NRF1: variants seen among roughly 807,000 people sequenced by gnomAD.
NRF1 encodes the protein nuclear respiratory factor 1.
In NRF1, 5 loss-of-function variants were observed where a neutral mutation model predicts 58.5. The ratio of observed to expected loss-of-function variants is 0.09; its 90% confidence interval spans 0.04 to 0.18. The LOEUF (loss-of-function observed/expected upper bound fraction) is 0.18, where lower values mean the gene tolerates loss of function less well. NRF1 is among the 10% of genes least tolerant of loss of function. NRF1 has a pLI of 1.00. For synonymous variants in NRF1, 224 were observed against 246.7 expected (o/e 0.91, Z 0.86); for missense variants, 288 against 657.7 (o/e 0.44, Z 6.15).
chr7:129,674,502 A>C (rs1167620354), intron 3 of NRF1, among the ~76,000 whole-genome samples: 1 of 152,076 alleles, frequency 6.6e-6, no homozygotes, highest in Non-Finnish European at 1.5e-5. Context: ...TGGTGTGATC[A>C]TGGCTCACTG....
intron 2 of NRF1, among the ~76,000 whole-genome samples, chr7:129,669,665 C>T (rs1411365256): frequency 6.6e-6 from 1 of 152,152 alleles, no homozygotes; most frequent in East Asian, 1.9e-4. Flanking sequence ...AGGTTAGATG[C>T]TCAACTATTA....
chr7:129,685,639 C>T (rs928200698), intron 4 of NRF1, among the ~76,000 whole-genome samples: 1 of 150,200 alleles, frequency 6.7e-6, no homozygotes, highest in Admixed American at 6.7e-5. Context: ...TCCCTATGCT[C>T]AGCAATGTCA....
At chr7:129,644,270 T>G (rs1801357525) in intron 1 of NRF1, among the ~76,000 whole-genome samples, 1 of 152,206 alleles carries the variant, frequency 6.6e-6, no homozygotes, top group Non-Finnish European at 1.5e-5. Flanking sequence ...CATAGGAAAT[T>G]AGGTAGGTAG....
In NRF1 at chr7:129,741,739, A is replaced by G. The variant is rs889996228; in HGVS notation, c.1349-13279A>G. ...TTTGAAGGAATGCCAGTGCACTGTTATTAACTCTAATAGCTTGTCCCTCGC... is the reference window on the plus strand; with the variant it reads ...TTTGAAGGAATGCCAGTGCACTGTTGTTAACTCTAATAGCTTGTCCCTCGC... On this transcript the variant is annotated intron_variant, in intron 10 of 10. Coordinates refer to ENST00000393232, the MANE Select transcript of NRF1 (RefSeq NM_005011.5). The surrounding 1 kb of genome is among the most constrained non-coding windows in gnomAD (Gnocchi z 4.0). Among the ~76,000 whole-genome samples the G allele has an allele frequency of 6.6e-6, 1 of 152,134 alleles. No homozygotes were observed. Among genetic ancestry groups the G allele is most frequent in the Non-Finnish European group, 1.5e-5 (1 of 68,030 alleles).
At chr7:129,688,917 C>T (rs531979797) in intron 4 of NRF1, among the ~76,000 whole-genome samples, 1 of 97,730 alleles carries the variant, frequency 1.0e-5, no homozygotes, top group Admixed American at 1.2e-4. Context: ...TATCACTAGG[C>T]TTATAAGATT....
chr7:129,749,126 T>C (rs540006317), intron 10 of NRF1, among the ~76,000 whole-genome samples: 1 of 152,274 alleles, frequency 6.6e-6, no homozygotes, highest in Admixed American at 6.5e-5. Context: ...CCATGTAATG[T>C]GATCTGAGAG....
rs972046699 is a variant in NRF1 at position 129,613,816 on chromosome 7, G to A, written c.-7+1992G>A. ...GGGAGGGGCGGGGGCGGGGGCTGCC[G>A]AGGCAAGAGAATCGCTTGAACCTGG... On this transcript the variant is annotated intron_variant, in intron 1 of 10. Coordinates refer to ENST00000393232, the MANE Select transcript of NRF1 (RefSeq NM_005011.5). 3.9e-5 allele frequency among the ~76,000 whole-genome samples: 6 copies of A among 152,080 alleles called. No homozygotes were observed. In the East Asian group the frequency reaches 7.8e-4, roughly 20 times the overall value.
Position 129,741,483 on chromosome 7 carries a change from A to AT in NRF1, c.1349-13526dup, listed in dbSNP as rs1024224464. 9.2e-5 allele frequency among the ~76,000 whole-genome samples: 14 copies of AT among 151,512 alleles called. No individual in the cohort carries two copies. Among genetic ancestry groups the AT allele is most frequent in the South Asian group, 2.1e-4 (1 of 4,780 alleles). ...ATTGTGAGCGCTATTCTGTAAAGGGATTTTTTTTTCTGGCATACCAAATCC... is the reference window on the plus strand; with the variant it reads ...ATTGTGAGCGCTATTCTGTAAAGGGATTTTTTTTTTCTGGCATACCAAATCC... On this transcript the variant is annotated intron_variant, in intron 10 of 10. Transcript: ENST00000393232. This position sits in a 1 kb window ranked among gnomAD's most constrained non-coding sequence, Gnocchi z 4.0.
At chr7:129,679,551 C>T (rs1802258160) in intron 4 of NRF1, among the ~76,000 whole-genome samples, 1 of 151,964 alleles carries the variant, frequency 6.6e-6, no homozygotes, top group Non-Finnish European at 1.5e-5. Context: ...GAAACCCCAT[C>T]TCTACTAAAA....
rs1803854255 is a variant in NRF1 at position 129,741,880 on chromosome 7, ACAG to A, written c.1349-13127_1349-13125del. Among the ~76,000 whole-genome samples the A allele has an allele frequency of 1.3e-5, 2 of 152,214 alleles. No homozygotes were observed. Among genetic ancestry groups the A allele is most frequent in the South Asian group, 4.1e-4 (2 of 4,826 alleles). Reference sequence around the variant, plus strand: ...ATAAAGAGCAAATGTGCAGAACCCAACAGCAGCAGCAGCCTGGCAGAAGCAGTA... The same window carrying A: ...ATAAAGAGCAAATGTGCAGAACCCAACAGCAGCAGCCTGGCAGAAGCAGTA... On this transcript the variant is annotated intron_variant, in intron 10 of 10. Transcript: ENST00000393232. The surrounding 1 kb of genome is among the most constrained non-coding windows in gnomAD (Gnocchi z 4.0).
intron 1 of NRF1, among the ~76,000 whole-genome samples, chr7:129,626,154 C>G (rs1800914667): frequency 6.6e-6 from 1 of 152,142 alleles, no homozygotes. Flanking sequence ...GACAATAATG[C>G]CTTTATTATT....
chr7:129,692,599 T>C (rs1021756911), intron 5 of NRF1, among the ~76,000 whole-genome samples: 5 of 152,302 alleles, frequency 3.3e-5, no homozygotes, highest in Admixed American at 2.0e-4. Flanking sequence ...AATTTATTTA[T>C]TTATTTAATT....
chr7:129,710,243 A>C, intron 6 of NRF1, 131 bp from the exon 7 acceptor site: 3 of 723,524 alleles, frequency 4.1e-6, no homozygotes, highest in Non-Finnish European at 7.1e-6. Context: ...GTGGGAGGTA[A>C]TCCTAGGAGA....
rs1322536841 is a variant in NRF1 at position 129,755,601 on chromosome 7, A to G, written c.*420A>G. ...GCATGGAATTATCTGTATGAAATCA[A>G]GGTGCGCTGTGGAAACAATAATTCA... is the stretch of plus-strand genomic sequence containing the variant. On this transcript the variant is annotated 3_prime_UTR_variant, in exon 11 of 11. Transcript: ENST00000393232. This position sits in a 1 kb window ranked among gnomAD's most constrained non-coding sequence, Gnocchi z 5.8. 1 of 152,226 alleles carries G rather than the reference A, an allele frequency of 6.6e-6. No homozygotes were observed. Among genetic ancestry groups the G allele is most frequent in the East Asian group, 1.9e-4 (1 of 5,198 alleles). 9.4% of individuals were successfully genotyped at this position (152,226 alleles called of 1,614,324 possible). A position where few individuals can be genotyped will look rare whatever the true frequency, so the allele number is the denominator to read the frequency against.
At position 129,711,452 on chromosome 7, in the gene NRF1, C is replaced by T. The variant is rs749417392; in HGVS notation, c.964-23C>T. On this transcript the variant is annotated intron_variant, in intron 7 of 10. Coordinates refer to ENST00000393232, the MANE Select transcript of NRF1 (RefSeq NM_005011.5). ...GAAGGATCCATCCACTGACACTTAA[C>T]CACTTTCCATATTTTTCTTTAGGTT... The T allele has an allele frequency of 3.5e-5, 55 of 1,584,192 alleles. 2 individuals carry two copies. In the South Asian group the frequency reaches 6.1e-4, roughly 18 times the overall value.
rs970816008 is a variant in NRF1, at chr7:129,716,609, G to A, written c.1066-610G>A. Among the ~76,000 whole-genome samples, 13 of 152,132 alleles carry A rather than the reference G, an allele frequency of 8.5e-5. 1 individual carries two copies. ...GAGTGGGCCGGGCGTGGTGACTCAT[G>A]CCTGTAATCCCAGCACTTTGGGAGA... On this transcript the variant is annotated intron_variant, in intron 8 of 10. Transcript: ENST00000393232.
intron 1 of NRF1, among the ~76,000 whole-genome samples, chr7:129,639,339 T>C (rs1801238585): frequency 6.6e-6 from 1 of 152,182 alleles, no homozygotes. Flanking sequence ...CATATATACT[T>C]GATTTCCAGT....
intron 10 of NRF1, among the ~76,000 whole-genome samples, chr7:129,754,409 G>A (rs1584699289): frequency 1.5e-5 from 2 of 135,288 alleles, no homozygotes; most frequent in African/African-American, 5.5e-5. Context: ...GTTGCAGTGA[G>A]CTGTGGTCAC....
At chr7:129,614,443 T>TTTTGTGTGTGTGTG (rs1491367764) in intron 1 of NRF1, among the ~76,000 whole-genome samples, 1 of 145,746 alleles carries the variant, frequency 6.9e-6, no homozygotes, top group Non-Finnish European at 1.5e-5. Flanking sequence ...AAATATGTAT[T>TTTTGTGTGTGTGTG]TGTGTGTGTG....
Sources: allele counts gnomAD v4.1 joint callset (sites outside exome capture counted in the v4.1 genomes callset), GRCh38; gene constraint gnomAD v4.1.1; non-coding constraint Gnocchi (gnomAD v3.1); transcripts MANE v1.5; gene names NCBI Gene and HGNC (gene_info 2026-07-23, HGNC 2026-07-21).